PITX1: variants seen among roughly 807,000 people sequenced by gnomAD.
PITX1 encodes paired like homeodomain 1.
In PITX1, 5 loss-of-function variants were observed where a neutral mutation model predicts 24.1. The ratio of observed to expected loss-of-function variants is 0.21; its 90% CI spans 0.11 to 0.44. The LOEUF is 0.44. Ranked by LOEUF, PITX1 falls within the 20% of genes least tolerant of loss-of-function variation. PITX1 has a pLI of 0.99. For synonymous variants in PITX1, 213 were observed against 208.9 expected, an observed-to-expected ratio of 1.02 and a Z score of -0.17; for missense variants, 401 against 455.4, an observed-to-expected ratio of 0.88 and a Z score of 1.09.
intron 2 of PITX1, among the ~76,000 whole-genome samples, 198 bp from the exon 3 acceptor site, chr5:135,029,519 G>T (rs1437949172): frequency 6.6e-6 from 1 of 152,134 alleles, no homozygotes; most frequent in African/African-American, 2.4e-5. Context: ...TTCTTTTTCC[G>T]ATCTTTATCC....
In PITX1 at chr5:135,033,096, G is replaced by C. The variant is rs1224850925; in HGVS notation, c.169+617C>G. Reference sequence around the variant, plus strand: ...GCGGGGGCCAGAGCCGGGCTGCTCCGGGCTTCGGCCGCGCACGTGGGCCGG... The same window carrying C: ...GCGGGGGCCAGAGCCGGGCTGCTCCCGGCTTCGGCCGCGCACGTGGGCCGG... On this transcript the variant is annotated intron_variant, in intron 1 of 2. Transcript: ENST00000265340. This position sits in a 1 kb window ranked among gnomAD's most constrained non-coding sequence, Gnocchi z 5.9. 1 of 402,012 alleles carries C rather than the reference G, an allele frequency of 2.5e-6. No individual in the cohort carries two copies. Among genetic ancestry groups the C allele is most frequent in the Non-Finnish European group, 4.9e-6 (1 of 202,070 alleles). The allele number at this position is 402,012 out of a possible 1,614,324, so 24.9% of individuals were successfully genotyped here. A position where few individuals can be genotyped will look rare whatever the true frequency, so the allele number is the denominator to read the frequency against.
rs61751190 is a variant in PITX1, at chr5:135,028,845, C to G, written c.879G>C (p.Ser293=). The G allele has an allele frequency of 1.4e-4, 228 of 1,613,548 alleles. No individual in the cohort carries two copies. Among genetic ancestry groups the G allele is most frequent in the Non-Finnish European group, 1.8e-4 (208 of 1,179,902 alleles). ...ASLRLKSKQH[S]SFGYGGLQGP... ...CCTGCAGGCCGCCGTAGCCAAACGACGAGTGCTGTTTGGACTTGAGCCGCA... is the reference window on the plus strand; with the variant it reads ...CCTGCAGGCCGCCGTAGCCAAACGAGGAGTGCTGTTTGGACTTGAGCCGCA... Residue 293 remains serine, a synonymous_variant, in exon 3 of 3, where the codon TCG becomes TCC. Transcript: ENST00000265340.
At chr5:135,029,358 C>T (rs1443947799) in intron 2 of PITX1, 37 bp from the exon 3 acceptor site, 2 of 1,533,252 alleles carry the variant, frequency 1.3e-6, no homozygotes, top group South Asian at 1.3e-5. Flanking sequence ...AGGGCCGCTG[C>T]GGGCCGGGAG....
chr5:135,028,619 C>A lies in PITX1; in HGVS notation c.*160G>T. 2 of 190,524 alleles carry A rather than the reference C, an allele frequency of 1.0e-5. No individual in the cohort carries two copies. The highest frequency in any genetic ancestry group is 8.8e-6 in the Non-Finnish European group (1 of 113,644). The allele number at this position is 190,524 out of a possible 1,614,324, so 11.8% of individuals were successfully genotyped here. On this transcript the variant is annotated 3_prime_UTR_variant, in exon 3 of 3. Transcript: ENST00000265340. ...GGGGTCCGGAAAAGCAAACACAAAA[C>A]CAACCCGGAGTGGGAAGTGGGAGGA...
At position 135,028,859 on chromosome 5, in the gene PITX1, A is replaced by G; in HGVS notation, c.865T>C (p.Ser289Pro). The change falls in exon 3 of 3, where the codon TCC (serine) becomes CCC (proline). Residue 289 changes from serine to proline, a missense_variant. Physicochemically the swap from Ser to Pro is moderately conservative, Grantham distance 74. Coordinates refer to ENST00000265340, the MANE Select transcript of PITX1 (RefSeq NM_002653.5). Reference sequence around the variant, plus strand: ...TAGCCAAACGACGAGTGCTGTTTGGACTTGAGCCGCAGGCTGGCTAGGCTC... The same window carrying G: ...TAGCCAAACGACGAGTGCTGTTTGGGCTTGAGCCGCAGGCTGGCTAGGCTC... ...NSSLASLRLK[S>P]KQHSSFGYGG... The G allele has an allele frequency of 1.2e-6, 2 of 1,613,580 alleles. No individual in the cohort carries two copies. Among genetic ancestry groups the G allele is most frequent in the Non-Finnish European group, 1.7e-6 (2 of 1,179,866 alleles).
In PITX1 at chr5:135,033,746, A is replaced by G. The variant is rs1230333301; in HGVS notation, c.136T>C (p.Ser46Pro). ...PADPREPLEN[S>P]ASESSDTELP... ...TCCGTGTCAGACGACTCGCTGGCGG[A>G]GTTCTCGAGCGGCTCGCGGGGGTCG... Residue 46 changes from serine to proline, a missense_variant, in exon 1 of 3, where the codon TCC becomes CCC. Ser to Pro is a moderately conservative substitution (Grantham distance 74). Transcript: ENST00000265340. The surrounding 1 kb of genome is among the most constrained non-coding windows in gnomAD (Gnocchi z 5.9). 6.3e-7 allele frequency: 1 copy of G among 1,594,720 alleles called. No individual in the cohort carries two copies. The highest frequency in any genetic ancestry group is 1.4e-5 in the African/African-American group (1 of 73,692).
chr5:135,032,803 T>C (rs1211793292), intron 1 of PITX1: 1 of 312,474 alleles, frequency 3.2e-6, no homozygotes, highest in Non-Finnish European at 6.3e-6. Context: ...GCAAACAACC[T>C]CTCAGAAAAA....
intron 1 of PITX1, chr5:135,032,091 C>T (rs1380222655): frequency 6.5e-6 from 1 of 152,912 alleles, no homozygotes; most frequent in African/African-American, 2.4e-5. Context: ...TTTAGTCTGT[C>T]TCTCTTTGAA....
Position 135,031,267 on chromosome 5 carries a change from C to T in PITX1, c.402+9G>A, listed in dbSNP as rs775151173. 7 of 1,612,946 alleles carry T rather than the reference C, an allele frequency of 4.3e-6. No individual in the cohort carries two copies. The African/African-American group carries it at 9.3e-5, about 22-fold the overall frequency. ...CGCGGGTGCCCTTAGGCGCGCACCC[C>T]TTGCTCACCCGCACGCGCGGCTCGG... On this transcript the variant is annotated intron_variant, in intron 2 of 2. Transcript: ENST00000265340.
chr5:135,029,155 G>T lies in PITX1; in HGVS notation c.569C>A (p.Ala190Glu). 3 of 1,614,240 alleles carry T rather than the reference G, an allele frequency of 1.9e-6. No homozygotes were observed. The highest frequency in any genetic ancestry group is 2.5e-6 in the Non-Finnish European group (3 of 1,180,038). Residue 190 changes from alanine (A) to glutamate (E), a missense_variant, in exon 3 of 3, where the codon GCG becomes GAG. This residue lies in a region of PITX1 where 217 missense variants were observed against 219.8 expected (regional missense o/e 0.99). Transcript: ENST00000265340. ...SYNNWAAKSL[A>E]PAPLSTKSFT... The stretch of plus-strand genomic sequence containing the variant: ...GCTCTTGGTGGAGAGCGGCGCTGGC[G>T]CCAGGCTCTTGGCGGCCCAGTTGTT...
chr5:135,033,003 C>T lies in PITX1; in HGVS notation c.169+710G>A, dbSNP rs1003242946. The T allele has an allele frequency of 5.3e-5, 24 of 449,388 alleles. No individual in the cohort carries two copies. The highest frequency in any genetic ancestry group is 5.0e-4 in the Admixed American group (21 of 42,214). The allele number at this position is 449,388 out of a possible 1,614,324, so 27.8% of individuals were successfully genotyped here. ...GCGCCGGCCACCCGCGGGCCCAGTT[C>T]GCTGCTGGAAAAAAGCTCCAGCTCG... On this transcript the variant is annotated intron_variant, in intron 1 of 2. Transcript: ENST00000265340. The surrounding 1 kb of genome is among the most constrained non-coding windows in gnomAD (Gnocchi z 5.9).
Position 135,033,044 on chromosome 5 carries a change from C to T in PITX1, c.169+669G>A. 2 of 446,766 alleles carry T rather than the reference C, an allele frequency of 4.5e-6. No individual in the cohort carries two copies. The highest frequency in any genetic ancestry group is 7.2e-5 in the East Asian group (1 of 13,880). The allele number at this position is 446,766 out of a possible 1,614,324, so 27.7% of individuals were successfully genotyped here. ...CTCCAGCTCGGACAAAAAAAGGCAG[C>T]GCGGAGGGAGACGCGCAGGAGCCGG... On this transcript the variant is annotated intron_variant, in intron 1 of 2. Coordinates refer to ENST00000265340, the MANE Select transcript of PITX1 (RefSeq NM_002653.5). This position sits in a 1 kb window ranked among gnomAD's most constrained non-coding sequence, Gnocchi z 5.9.
At chr5:135,030,968 G>T (rs2149560505) in intron 2 of PITX1, among the ~76,000 whole-genome samples, 1 of 152,336 alleles carries the variant, frequency 6.6e-6, no homozygotes, top group Admixed American at 6.5e-5. Flanking sequence ...GCTAACATCT[G>T]AGTGGGTCCT....
At chr5:135,032,923 C>T (rs911223890) in intron 1 of PITX1, 2 of 437,012 alleles carry the variant, frequency 4.6e-6, no homozygotes, top group Admixed American at 2.5e-5. Context: ...GAGCTCGGAG[C>T]CCCTCCGGAA....
At chr5:135,034,758 T>C (rs7711062), upstream of PITX1, 30,723 of 152,156 alleles carry the variant, frequency 0.2, 4,746 homozygotes, top group African/African-American at 0.43. Flanking sequence ...CTCCCAGCGG[T>C]GTCCTCGTCG....
In PITX1 at chr5:135,028,944, G is replaced by T. The variant is rs751555498; in HGVS notation, c.780C>A (p.Gly260=). The change falls in exon 3 of 3, where the codon GGC becomes GGA. Residue 260 remains glycine (G), a synonymous_variant. Coordinates refer to ENST00000265340, the MANE Select transcript of PITX1 (RefSeq NM_002653.5). ...AGGCGGGAGTGCCGTACGGGCAAGC[G>T]CCCGGCGACATGGCCGAGTTGAGCG... is the stretch of plus-strand genomic sequence containing the variant. ...GSSLNSAMSP[G]ACPYGTPASP... 6.2e-7 allele frequency: 1 copy of T among 1,613,920 alleles called. No individual in the cohort carries two copies. Among genetic ancestry groups the T allele is most frequent in the Non-Finnish European group, 8.5e-7 (1 of 1,179,984 alleles).
Position 135,031,307 on chromosome 5 carries a change from A to G in PITX1, c.371T>C (p.Val124Ala), listed in dbSNP as rs1340197341. The G allele has an allele frequency of 1.2e-6, 2 of 1,613,896 alleles. No homozygotes were observed. Among genetic ancestry groups the G allele is most frequent in the Non-Finnish European group, 1.7e-6 (2 of 1,179,922 alleles). ...GCGCGGCTCGGTGAGGTTGGTCCAC[A>G]CGGCGATCTCCTCCCTCATGCTCAT... is the stretch of plus-strand genomic sequence containing the variant. ...PDMSMREEIA[V>A]WTNLTEPRVR... is the part of the protein sequence containing the mutation. The change falls in exon 2 of 3, where the codon GTG (valine) becomes GCG (alanine). Residue 124 changes from valine to alanine, a missense_variant. By Grantham distance (64) the Val-to-Ala change is moderately conservative. Transcript: ENST00000265340.
At position 135,031,521 on chromosome 5, in the gene PITX1, G is replaced by C; in HGVS notation, c.170-13C>G. On this transcript the variant is annotated splice_polypyrimidine_tract_variant and intron_variant, in intron 1 of 2. Transcript: ENST00000265340. ...CCGCGCTCCTTCTCTGCAGTAGGCAGGACGGGGAGCGGGTCACCTGGGCTT... is the reference window on the plus strand; with the variant it reads ...CCGCGCTCCTTCTCTGCAGTAGGCACGACGGGGAGCGGGTCACCTGGGCTT... 1 of 1,599,974 alleles carries C rather than the reference G, an allele frequency of 6.3e-7. No individual in the cohort carries two copies. The highest frequency in any genetic ancestry group is 8.5e-7 in the Non-Finnish European group (1 of 1,173,490).
At position 135,028,795 on chromosome 5, in the gene PITX1, CA is replaced by C. The variant is rs1310469452; in HGVS notation, c.928del (p.Cys310AlafsTer96). Reference protein sequence around the residue: ...LQGPASGLNACQYNS With the variant: ...LQGPASGLNAXQYNS ...GCGGGGCGGTCAGCTGTTGTACTGG[CA>C]CGCGTTGAGGCCCGAGGCCGGGCCC... On this transcript the variant is annotated frameshift_variant, in exon 3 of 3. Transcript: ENST00000265340. LOFTEE classifies it high-confidence loss of function. The C allele has an allele frequency of 6.2e-7, 1 of 1,604,358 alleles. No individual in the cohort carries two copies. The highest frequency in any genetic ancestry group is 8.5e-7 in the Non-Finnish European group (1 of 1,176,900).
Sources: gnomAD v4.1 joint callset for allele counts (sites outside exome capture counted in the v4.1 genomes callset) on GRCh38, gnomAD v4.1.1 for gene constraint, gnomAD v4.1.1 regional missense constraint, Gnocchi (gnomAD v3.1) non-coding constraint, MANE v1.5 for transcripts, NCBI Gene and HGNC (gene_info 2026-07-23, HGNC 2026-07-21) for gene names.